PEX14: variants seen among roughly 807,000 people sequenced by gnomAD.
The protein encoded by PEX14 is peroxisomal membrane protein PEX14.
A neutral mutation model predicts 49.5 loss-of-function variants in PEX14; 15 were observed. The observed-to-expected ratio is 0.30, with a 90% CI of 0.20 to 0.47. The LOEUF is 0.47. PEX14 is among the 20% of genes least tolerant of loss of function. The probability of loss-of-function intolerance (pLI) is 1.00; values close to 1 mark genes in which losing one functional copy is unlikely to be tolerated. For synonymous variants in PEX14, 210 were observed against 212.7 expected, an observed-to-expected ratio of 0.99 and a Z score of 0.11; for missense variants, 398 against 494.8, an observed-to-expected ratio of 0.80 and a Z score of 1.86.
At position 10,505,837 on chromosome 1, in the gene PEX14, T is replaced by C. The variant is rs1471148884; in HGVS notation, c.84+10516T>C. On this transcript the variant is annotated intron_variant, in intron 2 of 8. Transcript: ENST00000356607. ...CTGGGATCACAGGTGTGTGCCACCA[T>C]GCCCAGCTAATCTTTGTATTTTTAG... Among the ~76,000 whole-genome samples, 3 of 152,196 alleles carry C rather than the reference T, an allele frequency of 2.0e-5. No homozygotes were observed. The South Asian group carries it at 6.2e-4, about 32-fold the overall frequency.
chr1:10,487,954 T>C (rs1570138405), intron 1 of PEX14, among the ~76,000 whole-genome samples: 2 of 152,090 alleles, frequency 1.3e-5, no homozygotes, highest in Admixed American at 1.3e-4. Context: ...CTAATTTTTG[T>C]ATTTTTAATT....
chr1:10,562,106 T>C (rs1420404736), intron 3 of PEX14, among the ~76,000 whole-genome samples: 1 of 152,162 alleles, frequency 6.6e-6, no homozygotes, highest in Non-Finnish European at 1.5e-5. Flanking sequence ...AGGCTGGTCT[T>C]GAACTCCTGG....
chr1:10,546,557 CTGTTT>C (rs1335644593), intron 3 of PEX14, among the ~76,000 whole-genome samples: 7 of 88,510 alleles, frequency 7.9e-5, no homozygotes, highest in Admixed American at 4.6e-4. Flanking sequence ...GAGCGAGACT[CTGTTT>C]CAAAAAAAAA....
chr1:10,550,016 T>C (rs145198271), intron 3 of PEX14, among the ~76,000 whole-genome samples: 133 of 152,310 alleles, frequency 8.7e-4, no homozygotes, highest in African/African-American at 2.9e-3. Flanking sequence ...GGCATGGTGC[T>C]GGCCCTGGGA....
At chr1:10,566,095 C>G (rs1352659799) in intron 3 of PEX14, among the ~76,000 whole-genome samples, 1 of 152,262 alleles carries the variant, frequency 6.6e-6, no homozygotes, top group Admixed American at 6.5e-5. Context: ...CTTGGACTCT[C>G]AAGTCTTGGT....
chr1:10,607,596 G>A (rs2124616159), intron 4 of PEX14, among the ~76,000 whole-genome samples: 1 of 152,228 alleles, frequency 6.6e-6, no homozygotes, highest in East Asian at 1.9e-4. Context: ...GTATATGCTG[G>A]TATCTCATGG....
At position 10,519,061 on chromosome 1, in the gene PEX14, T is replaced by C. The variant is rs149008652; in HGVS notation, c.85-17152T>C. On this transcript the variant is annotated intron_variant, in intron 2 of 8. Transcript: ENST00000356607. ...ATCCTCTCTTCTTCACCCTGTATAC[T>C]ACACGTTGTCCAACAGGGGGTGAAT... 2.6e-5 allele frequency among the ~76,000 whole-genome samples: 4 copies of C among 152,300 alleles called. No homozygotes were observed. In the East Asian group the frequency reaches 7.7e-4, roughly 29 times the overall value.
At chr1:10,594,359 G>A (rs1237257520) in intron 3 of PEX14, among the ~76,000 whole-genome samples, 4 of 152,108 alleles carry the variant, frequency 2.6e-5, no homozygotes, top group Non-Finnish European at 4.4e-5. Flanking sequence ...GTGTCCATGA[G>A]TCCCAGATGA....
intron 2 of PEX14, among the ~76,000 whole-genome samples, chr1:10,523,157 G>A (rs1441062331): frequency 6.6e-6 from 1 of 151,966 alleles, no homozygotes; most frequent in Non-Finnish European, 1.5e-5. Flanking sequence ...TCTTTGTTTG[G>A]TGTTTCTGTA....
chr1:10,508,356 G>C (rs1292106393), intron 2 of PEX14, among the ~76,000 whole-genome samples: 1 of 152,008 alleles, frequency 6.6e-6, no homozygotes, highest in Non-Finnish European at 1.5e-5. Flanking sequence ...ACAGGCGCCC[G>C]CCACCATGCC....
intron 3 of PEX14, among the ~76,000 whole-genome samples, chr1:10,554,609 A>T (rs1401784833): frequency 6.6e-6 from 1 of 152,202 alleles, no homozygotes; most frequent in Non-Finnish European, 1.5e-5. Flanking sequence ...CAGCCTTCAG[A>T]TGCCCACACA....
chr1:10,531,084 G>T (rs144610280), intron 2 of PEX14, among the ~76,000 whole-genome samples: 2 of 152,146 alleles, frequency 1.3e-5, no homozygotes, highest in African/African-American at 4.8e-5. Context: ...GTGAATGGTA[G>T]ATCAGAGAGG....
intron 2 of PEX14, among the ~76,000 whole-genome samples, chr1:10,497,861 T>G (rs2124407621): frequency 6.6e-6 from 1 of 152,382 alleles, no homozygotes; most frequent in African/African-American, 2.4e-5. Context: ...TGTTTTTAAC[T>G]GAATGCATAT....
Position 10,630,035 on chromosome 1 carries a change from G to C in PEX14, c.*48G>C, listed in dbSNP as rs751132043. 3.8e-6 allele frequency: 6 copies of C among 1,597,880 alleles called. No individual in the cohort carries two copies. The African/African-American group carries it at 5.4e-5, about 14-fold the overall frequency. ...CCTGAGGATGGCATCTAGTGTGCCC[G>C]TGCGTGGCCATACCCTGCCTCCCTC... On this transcript the variant is annotated 3_prime_UTR_variant, in exon 9 of 9. Transcript: ENST00000356607. The surrounding 1 kb of genome is among the most constrained non-coding windows in gnomAD (Gnocchi z 4.1).
At chr1:10,499,898 A>C (rs1274380705) in intron 2 of PEX14, among the ~76,000 whole-genome samples, 1 of 152,118 alleles carries the variant, frequency 6.6e-6, no homozygotes, top group Admixed American at 6.5e-5. Flanking sequence ...TTGCTCTCCA[A>C]GTGCCAAAGT....
At chr1:10,505,471 C>T (rs1641766299) in intron 2 of PEX14, among the ~76,000 whole-genome samples, 1 of 152,054 alleles carries the variant, frequency 6.6e-6, no homozygotes, top group South Asian at 2.1e-4. Context: ...TTTTTTCCCC[C>T]CCTTTACCAT....
chr1:10,527,738 A>G (rs1638532483), intron 2 of PEX14, among the ~76,000 whole-genome samples: 2 of 151,618 alleles, frequency 1.3e-5, no homozygotes, highest in Admixed American at 6.6e-5. Context: ...CAGTGGTGCG[A>G]TCTTGGTTCA....
rs1222664933 is a variant in PEX14, at chr1:10,512,526, G to A, written c.84+17205G>A. Among the ~76,000 whole-genome samples the A allele has an allele frequency of 6.6e-6, 1 of 152,166 alleles. No homozygotes were observed. The highest frequency in any genetic ancestry group is 2.4e-5 in the African/African-American group (1 of 41,436). On this transcript the variant is annotated intron_variant, in intron 2 of 8. Coordinates refer to ENST00000356607, the MANE Select transcript of PEX14 (RefSeq NM_004565.3). This position sits in a 1 kb window ranked among gnomAD's most constrained non-coding sequence, Gnocchi z 4.6. ...CAGAATCCCAGCATTAACTTCAGGGGTGTTGGTTGGAAACCTGCACTGGCG... is the reference window on the plus strand; with the variant it reads ...CAGAATCCCAGCATTAACTTCAGGGATGTTGGTTGGAAACCTGCACTGGCG...
At chr1:10,626,644 G>A (rs1484213905) in intron 7 of PEX14, among the ~76,000 whole-genome samples, 1 of 152,232 alleles carries the variant, frequency 6.6e-6, no homozygotes, top group South Asian at 2.1e-4. Context: ...ATATTCATCT[G>A]TGCACTTAAA....
Sources: gnomAD v4.1 joint callset for allele counts (sites outside exome capture counted in the v4.1 genomes callset) on GRCh38, gnomAD v4.1.1 for gene constraint, Gnocchi (gnomAD v3.1) non-coding constraint, MANE v1.5 for transcripts, NCBI Gene and HGNC (gene_info 2026-07-23, HGNC 2026-07-21) for gene names.